NAA35: variants seen among roughly 807,000 people sequenced by gnomAD.
NAA35 encodes N-alpha-acetyltransferase 35, NatC auxiliary subunit.
Under a neutral mutation model 101.7 loss-of-function variants are expected in NAA35, and 18 were observed. That is an observed-to-expected ratio of 0.18 (90% CI 0.12 to 0.26). The LOEUF (loss-of-function observed/expected upper bound fraction) is 0.26, where lower values mean the gene tolerates loss of function less well. Ranked by LOEUF, NAA35 falls within the 10% of genes least tolerant of loss-of-function variation. The pLI is 1.00. For missense variants in NAA35, 601 were observed against 886.8 expected (o/e 0.68, Z 4.09); for synonymous variants, 267 against 273.1 (o/e 0.98, Z 0.22).
intron 2 of NAA35, among the ~76,000 whole-genome samples, chr9:85,954,463 G>A (rs1400624794): frequency 6.6e-6 from 1 of 152,162 alleles, no homozygotes; most frequent in African/African-American, 2.4e-5. Flanking sequence ...CAGTGCACAA[G>A]GGTTTCAGTT....
chr9:86,009,832 A>G lies in NAA35; in HGVS notation c.1224-33A>G. On this transcript the variant is annotated intron_variant, in intron 14 of 22. Coordinates refer to ENST00000361671, the MANE Select transcript of NAA35 (RefSeq NM_024635.4). ...TTGCTGCTGCTTTTGTTTGGGCTGA[A>G]TAGATTTTAATGATGTGACTGTTAT... The G allele has an allele frequency of 1.9e-6, 3 of 1,556,156 alleles. No homozygotes were observed. In the East Asian group the frequency reaches 6.8e-5, roughly 35 times the overall value.
Position 86,022,509 on chromosome 9 carries a change from TTA to T in NAA35, c.*551_*552del, listed in dbSNP as rs1196690305. 6.6e-6 allele frequency among the ~76,000 whole-genome samples: 1 copy of T among 152,192 alleles called. No homozygotes were observed. The highest frequency in any genetic ancestry group is 1.5e-5 in the Non-Finnish European group (1 of 68,032). On this transcript the variant is annotated 3_prime_UTR_variant, in exon 23 of 23. Transcript: ENST00000361671. ...CTAAATTACATGAAAATTGTGATTTTTATGTGTCATGACATCACAAATTATAT... is the reference window on the plus strand; with the variant it reads ...CTAAATTACATGAAAATTGTGATTTTTGTGTCATGACATCACAAATTATAT...
chr9:85,981,240 G>A (rs1830427050), intron 11 of NAA35, among the ~76,000 whole-genome samples: 2 of 152,130 alleles, frequency 1.3e-5, no homozygotes, highest in Non-Finnish European at 1.5e-5. Context: ...GCATAGCAAC[G>A]TAGTAGTACA....
intron 3 of NAA35, among the ~76,000 whole-genome samples, chr9:85,957,635 C>T (rs1829333511): frequency 6.6e-6 from 1 of 152,220 alleles, no homozygotes; most frequent in Admixed American, 6.5e-5. Flanking sequence ...AACAATAGCA[C>T]CTTGGAAAAA....
chr9:86,021,036 GAT>G, intron 22 of NAA35, 67 bp downstream of exon 22: 1 of 1,181,904 alleles, frequency 8.5e-7, no homozygotes, highest in Non-Finnish European at 1.2e-6. Context: ...TTTGCAATAA[GAT>G]GTGTAAATAT....
At chr9:85,995,616 TC>T (rs1294263141) in intron 11 of NAA35, among the ~76,000 whole-genome samples, 3 of 152,188 alleles carry the variant, frequency 2.0e-5, no homozygotes, top group Non-Finnish European at 4.4e-5. Flanking sequence ...TTTAATTTTA[TC>T]TTTAATTGGC....
intron 11 of NAA35, among the ~76,000 whole-genome samples, chr9:85,980,849 CTTG>C (rs966431415): frequency 3.5e-4 from 53 of 152,168 alleles, no homozygotes; most frequent in African/African-American, 1.3e-3. Flanking sequence ...CCCTCAACGA[CTTG>C]GCCATTCCAG....
At chr9:86,012,424 A>G (rs750956427) in intron 15 of NAA35, among the ~76,000 whole-genome samples, 11 of 152,142 alleles carry the variant, frequency 7.2e-5, no homozygotes, top group Non-Finnish European at 1.6e-4. Context: ...TCCACTCTCT[A>G]AAGAGTAAAA....
rs1832650348 is a variant in NAA35 at position 86,023,355 on chromosome 9, CT to C, written c.*1396del. Among the ~76,000 whole-genome samples, 1 of 152,038 alleles carries C rather than the reference CT, an allele frequency of 6.6e-6. No individual in the cohort carries two copies. Among genetic ancestry groups the C allele is most frequent in the South Asian group, 2.1e-4 (1 of 4,824 alleles). On this transcript the variant is annotated 3_prime_UTR_variant, in exon 23 of 23. Coordinates refer to ENST00000361671, the MANE Select transcript of NAA35 (RefSeq NM_024635.4). ...TGTTGAGAATGAAAACTGTTTCTGG[CT>C]GGTAATTACTGAATGCTTTAAACAA...
intron 17 of NAA35, among the ~76,000 whole-genome samples, chr9:86,015,112 T>C (rs1489689442): frequency 6.6e-6 from 1 of 152,166 alleles, no homozygotes; most frequent in African/African-American, 2.4e-5. Context: ...TTTTGTGGCT[T>C]GAAGCAGCTA....
At chr9:85,996,240 T>G (rs1831150813) in intron 11 of NAA35, among the ~76,000 whole-genome samples, 159 bp from the exon 12 acceptor site, 1 of 152,206 alleles carries the variant, frequency 6.6e-6, no homozygotes, top group African/African-American at 2.4e-5. Context: ...AATGTATATG[T>G]ATAGATATAT....
chr9:85,984,909 C>G (rs757419092), intron 11 of NAA35, among the ~76,000 whole-genome samples: 1 of 152,096 alleles, frequency 6.6e-6, no homozygotes, highest in Non-Finnish European at 1.5e-5. Context: ...AATGTGAGAA[C>G]TAAAGCTATG....
chr9:85,995,217 T>C (rs934738279), intron 11 of NAA35, among the ~76,000 whole-genome samples: 1 of 151,714 alleles, frequency 6.6e-6, no homozygotes, highest in Non-Finnish European at 1.5e-5. Context: ...AAGATAATCT[T>C]ATTTGGCCCT....
intron 11 of NAA35, among the ~76,000 whole-genome samples, chr9:85,996,169 C>A (rs778093734): frequency 7.2e-5 from 11 of 152,106 alleles, no homozygotes; most frequent in Non-Finnish European, 1.3e-4. Flanking sequence ...ACCACTATCA[C>A]CACCATGTAG....
intron 11 of NAA35, among the ~76,000 whole-genome samples, chr9:85,981,539 T>G (rs972884382): frequency 2.0e-5 from 3 of 152,196 alleles, no homozygotes; most frequent in African/African-American, 7.2e-5. Context: ...TTTTCTATAT[T>G]TCAGACCAGT....
intron 11 of NAA35, among the ~76,000 whole-genome samples, chr9:85,994,043 C>T (rs1373708356): frequency 2.6e-5 from 4 of 151,122 alleles, no homozygotes; most frequent in Non-Finnish European, 2.9e-5. Context: ...GTATTAGATA[C>T]GTAGATTTGT....
chr9:85,984,414 A>G (rs778440210), intron 11 of NAA35, among the ~76,000 whole-genome samples: 1 of 152,200 alleles, frequency 6.6e-6, no homozygotes, highest in African/African-American at 2.4e-5. Context: ...AAGGGCCAAT[A>G]AAGAGCCACC....
rs1212965176 is a variant in NAA35, at chr9:86,003,567, TC to T, written c.1057-17del. 1 of 1,526,292 alleles carries T rather than the reference TC, an allele frequency of 6.6e-7. No homozygotes were observed. Among genetic ancestry groups the T allele is most frequent in the Middle Eastern group, 1.7e-4 (1 of 5,778 alleles). 94.5% of individuals were successfully genotyped at this position (1,526,292 alleles called of 1,614,324 possible). ...TTAATCTATTAATGACATTGCTTTTTCTTTATATATCTGTTAGGATTTTTTC... is the reference window on the plus strand; with the variant it reads ...TTAATCTATTAATGACATTGCTTTTTTTTATATATCTGTTAGGATTTTTTC... On this transcript the variant is annotated splice_polypyrimidine_tract_variant and intron_variant, in intron 12 of 22. Transcript: ENST00000361671.
intron 11 of NAA35, among the ~76,000 whole-genome samples, chr9:85,994,387 G>A: frequency 6.6e-6 from 1 of 152,118 alleles, no homozygotes; most frequent in East Asian, 1.9e-4. Flanking sequence ...CCTCATACAA[G>A]TGATATTATG....
Sources: gnomAD v4.1 joint callset for allele counts (sites outside exome capture counted in the v4.1 genomes callset) on GRCh38, gnomAD v4.1.1 for gene constraint, MANE v1.5 for transcripts, NCBI Gene and HGNC (gene_info 2026-07-23, HGNC 2026-07-21) for gene names.